The following SLX9 variants were observed in gnomAD, a reference collection of about 807,000 sequenced individuals.
The protein encoded by SLX9 is ribosome biogenesis protein SLX9 homolog.
A neutral mutation model predicts 20.8 loss-of-function variants in SLX9; 19 were observed. The ratio of observed to expected loss-of-function variants is 0.91; its 90% confidence interval spans 0.64 to 1.34. The LOEUF is 1.34. Ranked by LOEUF, SLX9 falls within the 40% of genes most tolerant of loss-of-function variation. SLX9 has a pLI of 0.00. For synonymous variants in SLX9, 113 were observed against 137.1 expected, an observed-to-expected ratio of 0.82 and a Z score of 1.23; for missense variants, 299 against 322.2, an observed-to-expected ratio of 0.93 and a Z score of 0.55.
rs1222872623 is a variant in SLX9 at position 44,976,834 on chromosome 21, G to T, written c.*31G>T. On this transcript the variant is annotated 3_prime_UTR_variant, in exon 6 of 6. Transcript: ENST00000291634. ...GCAGCGGGCATGCCACAACTCCTCA[G>T]GACACATGTGGGCCAAGTAGAGAGC... 2 of 1,539,762 alleles carry T rather than the reference G, an allele frequency of 1.3e-6. No individual in the cohort carries two copies. The highest frequency in any genetic ancestry group is 3.9e-5 in the Admixed American group (2 of 51,406).
At chr21:44,974,893 G>C (rs1235431715) in intron 5 of SLX9, among the ~76,000 whole-genome samples, 4 of 152,226 alleles carry the variant, frequency 2.6e-5, no homozygotes, top group Non-Finnish European at 5.9e-5. Context: ...GCCCCTCCCT[G>C]CCTGGACAGG....
chr21:44,943,406 T>C (rs2084584092), intron 1 of SLX9, among the ~76,000 whole-genome samples: 1 of 152,200 alleles, frequency 6.6e-6, no homozygotes, highest in Non-Finnish European at 1.5e-5. Flanking sequence ...GTTCTTGAGA[T>C]ACTGGTCCTG....
chr21:44,969,352 T>G (rs2085100993), intron 4 of SLX9: 1 of 398,850 alleles, frequency 2.5e-6, no homozygotes, highest in Non-Finnish European at 5.3e-6. Context: ...TTTCCCTGTT[T>G]TCAGTTTTCT....
At chr21:44,957,550 G>A (rs899443593) in intron 2 of SLX9, among the ~76,000 whole-genome samples, 4 of 152,228 alleles carry the variant, frequency 2.6e-5, no homozygotes, top group Admixed American at 6.5e-5. Context: ...GGATACCACC[G>A]GGTCCCAGGA....
At chr21:44,953,856 C>T (rs554828332) in intron 2 of SLX9, among the ~76,000 whole-genome samples, 3 of 152,214 alleles carry the variant, frequency 2.0e-5, no homozygotes, top group Non-Finnish European at 1.5e-5. Flanking sequence ...CTGCAAACCT[C>T]GGCCGCACCC....
At chr21:44,968,789 T>G (rs2123447972) in intron 4 of SLX9, among the ~76,000 whole-genome samples, 1 of 150,232 alleles carries the variant, frequency 6.7e-6, no homozygotes, top group Admixed American at 6.7e-5. Flanking sequence ...AGCCTTGCTC[T>G]GTCCCCCAGG....
At chr21:44,950,693 G>A (rs1403145118) in intron 2 of SLX9, among the ~76,000 whole-genome samples, 2 of 152,258 alleles carry the variant, frequency 1.3e-5, no homozygotes, top group Non-Finnish European at 2.9e-5. Flanking sequence ...GCAGTCACAT[G>A]GTGCCATGCT....
rs1568947960 is a variant in SLX9, at chr21:44,973,214, C to T, written c.518C>T (p.Pro173Leu). 2 of 1,613,130 alleles carry T rather than the reference C, an allele frequency of 1.2e-6. No individual in the cohort carries two copies. The highest frequency in any genetic ancestry group is 1.7e-6 in the Non-Finnish European group (2 of 1,179,762). Residue 173 changes from proline to leucine, a missense_variant, in exon 5 of 6, where the codon CCC becomes CTC. Pro to Leu is a moderately conservative substitution (Grantham distance 98). Transcript: ENST00000291634. ...GTCCACAGCAGGGAGAGCAACAAGC[C>T]CCGGCCCTCAGAGCTCAGCCGGATG... ...RQARSRESNK[P>L]RPSELSRMSA...
chr21:44,944,734 G>T (rs1394715659), intron 2 of SLX9, among the ~76,000 whole-genome samples: 2 of 152,252 alleles, frequency 1.3e-5, no homozygotes, highest in Non-Finnish European at 2.9e-5. Context: ...AGTCGGCAGA[G>T]CTGGGAGCGC....
intron 5 of SLX9, 81 bp downstream of exon 5, chr21:44,973,346 C>T: frequency 7.9e-7 from 1 of 1,270,546 alleles, no homozygotes; most frequent in East Asian, 2.5e-5. Context: ...GGTTCAGCTC[C>T]TATGTGCCCT....
intron 5 of SLX9, among the ~76,000 whole-genome samples, chr21:44,974,012 C>T (rs1041132766): frequency 2.0e-5 from 3 of 152,208 alleles, no homozygotes; most frequent in African/African-American, 4.8e-5. Context: ...CACTGCGGCC[C>T]CCAGTTAGCA....
Position 44,973,272 on chromosome 21 carries a change from G to T in SLX9, c.569+7G>T. 6.2e-7 allele frequency: 1 copy of T among 1,611,736 alleles called. No homozygotes were observed. The highest frequency in any genetic ancestry group is 8.5e-7 in the Non-Finnish European group (1 of 1,179,688). ...CCCAGAGACAGCAGCTTCTGTGAGT[G>T]CACCTGCCCACCTCCTCAGGGGTTC... On this transcript the variant is annotated splice_region_variant and intron_variant, in intron 5 of 5. Transcript: ENST00000291634.
intron 5 of SLX9, among the ~76,000 whole-genome samples, chr21:44,975,039 G>A (rs193123395): frequency 3.9e-5 from 6 of 152,230 alleles, no homozygotes; most frequent in Admixed American, 6.5e-5. Context: ...TTGGTTTCTC[G>A]CTGCTTCTGA....
At chr21:44,940,452 C>T (rs1037800251) in intron 1 of SLX9, among the ~76,000 whole-genome samples, 1 of 152,226 alleles carries the variant, frequency 6.6e-6, no homozygotes, top group Non-Finnish European at 1.5e-5. Flanking sequence ...TCCAGGGTTG[C>T]CACGCGGACC....
chr21:44,961,810 T>C (rs1410396216), intron 3 of SLX9, among the ~76,000 whole-genome samples: 1 of 152,238 alleles, frequency 6.6e-6, no homozygotes, highest in Non-Finnish European at 1.5e-5. Flanking sequence ...ATCACTCCCG[T>C]TTTAGCTTTC....
rs768504644 is a variant in SLX9, at chr21:44,973,217, G to C, written c.521G>C (p.Arg174Pro). The change falls in exon 5 of 6, where the codon CGG becomes CCG. Residue 174 changes from arginine to proline, a missense_variant. By Grantham distance (103) the Arg-to-Pro change is moderately radical. Transcript: ENST00000291634. ...QARSRESNKP[R>P]PSELSRMSAA... is the part of the protein sequence containing the mutation. ...CACAGCAGGGAGAGCAACAAGCCCCGGCCCTCAGAGCTCAGCCGGATGAGC... is the reference window on the plus strand; with the variant it reads ...CACAGCAGGGAGAGCAACAAGCCCCCGCCCTCAGAGCTCAGCCGGATGAGC... 3.7e-6 allele frequency: 6 copies of C among 1,612,964 alleles called. No homozygotes were observed. The East Asian group carries it at 1.1e-4, about 30-fold the overall frequency.
At chr21:44,961,023 C>A (rs929394998) in intron 3 of SLX9, among the ~76,000 whole-genome samples, 1 of 152,074 alleles carries the variant, frequency 6.6e-6, no homozygotes, top group African/African-American at 2.4e-5. Flanking sequence ...AAAACTTTGT[C>A]AGTTTCTTTT....
At chr21:44,961,309 T>C (rs991343020) in intron 3 of SLX9, among the ~76,000 whole-genome samples, 2 of 152,218 alleles carry the variant, frequency 1.3e-5, no homozygotes, top group African/African-American at 2.4e-5. Context: ...CTGAGGATGG[T>C]GTCTCATGCC....
At chr21:44,957,030 G>A (rs1384744438) in intron 2 of SLX9, among the ~76,000 whole-genome samples, 1 of 152,252 alleles carries the variant, frequency 6.6e-6, no homozygotes, top group Non-Finnish European at 1.5e-5. Context: ...TGGCTCCTGC[G>A]CGGCAGCGTC....
Sources: gnomAD v4.1 joint callset for allele counts (sites outside exome capture counted in the v4.1 genomes callset) on GRCh38, gnomAD v4.1.1 for gene constraint, MANE v1.5 for transcripts, NCBI Gene and HGNC (gene_info 2026-07-23, HGNC 2026-07-21) for gene names.